Variants in DMD observed in about 807,000 individuals in gnomAD.
The protein encoded by DMD is mutant dystrophin.
Under a neutral mutation model 330.1 loss-of-function variants are expected in DMD, and 63 were observed. The ratio of observed to expected loss-of-function variants is 0.19; its 90% CI spans 0.16 to 0.24. The LOEUF (loss-of-function observed/expected upper bound fraction) is 0.24. DMD is among the 10% of genes least tolerant of loss of function. The pLI is 1.00. For synonymous variants in DMD, 1,223 were observed against 959.8 expected (o/e 1.27, Z -5.07); for missense variants, 3,344 against 2,684.1 (o/e 1.25, Z -5.43).
intron 76 of DMD, among the ~76,000 whole-genome samples, chrX:31,138,627 GAGAGAGAGAGAGAGAGA>G (rs2147829331): frequency 3.6e-3 from 2 of 552 alleles, no homozygotes; most frequent in East Asian, 0.026. Flanking sequence ...GGCAGCAGGA[GAGAGAGAGAGAGAGAGA>G]GAGAGAGAGA....
At chrX:32,464,739 A>G in intron 23 of DMD, 40 bp from the exon 24 acceptor site, 1 of 943,740 alleles carries the variant, frequency 1.1e-6, no homozygotes, top group South Asian at 1.9e-5. Flanking sequence ...TGGTGTGCTG[A>G]TTACTTTTAA....
In DMD at chrX:31,478,108, T is replaced by C; in HGVS notation, c.8935A>G (p.Lys2979Glu). ...TGAAGCAAAGAAGTAGACGGTACCT[T>C]GACTTTCTCGAGGTGATCTTGGAGA... ...DSLQDHLEKV[K>E]ALRGEIAPLK... Residue 2979 changes from lysine (K) to glutamate (E), a missense_variant and splice_region_variant, in exon 59 of 79, where the codon AAG (lysine) becomes GAG (glutamate). By Grantham distance (56) the Lys-to-Glu change is moderately conservative. Transcript: ENST00000357033. The C allele has an allele frequency of 8.3e-7, 1 of 1,210,212 alleles. No individual in the cohort carries two copies. Among genetic ancestry groups the C allele is most frequent in the Non-Finnish European group, 1.1e-6 (1 of 894,970 alleles).
intron 7 of DMD, among the ~76,000 whole-genome samples, chrX:32,731,236 T>A (rs1569495820): frequency 8.9e-6 from 1 of 112,179 alleles, no homozygotes; most frequent in African/African-American, 3.2e-5. Flanking sequence ...GGAGATTATA[T>A]CCTGCATCTG....
At chrX:33,094,816 A>G (rs765580519) in intron 1 of DMD, among the ~76,000 whole-genome samples, 30 of 110,285 alleles carry the variant, frequency 2.7e-4, no homozygotes, top group African/African-American at 9.8e-4. Flanking sequence ...TCAAAAAAAA[A>G]AAAAAAGAAA....
At chrX:31,742,089 C>G (rs1346227681) in intron 51 of DMD, among the ~76,000 whole-genome samples, 2 of 111,988 alleles carry the variant, frequency 1.8e-5, no homozygotes, top group African/African-American at 6.5e-5. Flanking sequence ...TCTCGGCATT[C>G]ACAGAATTGC....
At chrX:32,703,045 C>G in intron 7 of DMD, among the ~76,000 whole-genome samples, 1 of 111,423 alleles carries the variant, frequency 9.0e-6, no homozygotes, top group East Asian at 2.8e-4. Context: ...AGCCAACCAG[C>G]AGCAAACACT....
chrX:32,410,412 G>T (rs1029027179), intron 30 of DMD, among the ~76,000 whole-genome samples: 1 of 111,982 alleles, frequency 8.9e-6, no homozygotes, highest in Non-Finnish European at 1.9e-5. Flanking sequence ...CTTGGTCAAA[G>T]TTAGACAATA....
chrX:31,702,857 T>TC (rs2083913076), intron 52 of DMD, among the ~76,000 whole-genome samples: 1 of 105,641 alleles, frequency 9.5e-6, no homozygotes, highest in Non-Finnish European at 2.0e-5. Context: ...GAGAAGTCTT[T>TC]TTTTTTTTTT....
intron 1 of DMD, among the ~76,000 whole-genome samples, chrX:33,272,502 T>C (rs920833871): frequency 6.3e-5 from 7 of 111,727 alleles, no homozygotes; most frequent in African/African-American, 2.3e-4. Flanking sequence ...TGGGTTACAT[T>C]ATTTGCACCA....
intron 3 of DMD, among the ~76,000 whole-genome samples, chrX:32,847,556 G>A (rs1006319928): frequency 4.4e-5 from 5 of 112,380 alleles, no homozygotes; most frequent in Non-Finnish European, 7.5e-5. Context: ...GCGAATTGGA[G>A]TTCTGGGATC....
chrX:32,588,860 G>A (rs773056590), intron 13 of DMD, among the ~76,000 whole-genome samples: 4 of 112,218 alleles, frequency 3.6e-5, no homozygotes, highest in Non-Finnish European at 5.6e-5. Context: ...TCTGGTACAG[G>A]TGTCATGATA....
chrX:32,557,469 T>C (rs908946083), intron 16 of DMD, among the ~76,000 whole-genome samples: 5 of 111,978 alleles, frequency 4.5e-5, no homozygotes, highest in African/African-American at 6.5e-5. Flanking sequence ...ACACACACAA[T>C]CAGGTTGACA....
intron 3 of DMD, among the ~76,000 whole-genome samples, chrX:32,846,917 A>G (rs896177542): frequency 9.2e-6 from 1 of 108,910 alleles, no homozygotes; most frequent in Non-Finnish European, 1.9e-5. Context: ...CGAGGCAGGA[A>G]AATTGCTTGA....
chrX:32,905,305 G>T (rs1177683721), intron 2 of DMD, among the ~76,000 whole-genome samples: 2 of 111,660 alleles, frequency 1.8e-5, no homozygotes, highest in East Asian at 5.6e-4. Context: ...AGAGAAAAAT[G>T]CTAGACTAAT....
intron 1 of DMD, among the ~76,000 whole-genome samples, chrX:33,241,097 C>T (rs778783254): frequency 7.2e-5 from 8 of 111,358 alleles, no homozygotes; most frequent in African/African-American, 2.6e-4. Context: ...GGTTTTGTTT[C>T]CTGTGCTTTT....
Position 32,610,547 on chromosome X carries a change from G to A in DMD, c.1482+3756C>T, listed in dbSNP as rs779890383. 9.0e-5 allele frequency among the ~76,000 whole-genome samples: 10 copies of A among 111,315 alleles called. No individual in the cohort carries two copies. In the South Asian group the frequency reaches 1.9e-3, roughly 21 times the overall value. ...GAAGCATATCTGTAATATTCACAGT[G>A]TACTTGCAAGATTTGCAAACATTTT... On this transcript the variant is annotated intron_variant, in intron 12 of 78. Transcript: ENST00000357033.
chrX:33,145,658 C>T (rs1384440686), intron 1 of DMD, among the ~76,000 whole-genome samples: 1 of 91,495 alleles, frequency 1.1e-5, no homozygotes, highest in Admixed American at 1.2e-4. Context: ...TATATATATA[C>T]AGTAATGTCC....
At chrX:32,578,221 ACT>A (rs2053276562) in intron 13 of DMD, among the ~76,000 whole-genome samples, 1 of 111,739 alleles carries the variant, frequency 8.9e-6, no homozygotes, top group South Asian at 3.7e-4. Context: ...TGTAACTTCA[ACT>A]CTGTTTCTCT....
intron 7 of DMD, among the ~76,000 whole-genome samples, chrX:32,738,361 T>C (rs1214622433): frequency 1.8e-5 from 2 of 111,637 alleles, no homozygotes; most frequent in Non-Finnish European, 3.8e-5. Context: ...CAGTCCTGGA[T>C]TCATTCAAAT....
Sources: gnomAD v4.1 joint callset for allele counts (sites outside exome capture counted in the v4.1 genomes callset) on GRCh38, gnomAD v4.1.1 for gene constraint, MANE v1.5 for transcripts, NCBI Gene and HGNC (gene_info 2026-07-23, HGNC 2026-07-21) for gene names.